The following TNFSF13B variants were observed in gnomAD, a reference collection of about 807,000 sequenced individuals.
TNFSF13B encodes tumor necrosis factor ligand superfamily member 13B.
In TNFSF13B, 8 loss-of-function variants were observed where a neutral mutation model predicts 29.1. That is an observed-to-expected ratio of 0.27 (90% CI 0.16 to 0.50). The LOEUF (loss-of-function observed/expected upper bound fraction) is 0.50. Among genes scored for constraint, TNFSF13B ranks in the 20% least tolerant of loss-of-function variants. TNFSF13B has a pLI of 0.98. For missense variants in TNFSF13B, 248 were observed against 334.9 expected (o/e 0.74, Z 2.03); for synonymous variants, 125 against 130.8 (o/e 0.96, Z 0.30).
At position 108,289,255 on chromosome 13, in the gene TNFSF13B, G is replaced by A. The variant is rs138870069; in HGVS notation, c.481+2396G>A. Among the ~76,000 whole-genome samples, 45 of 152,034 alleles carry A rather than the reference G, an allele frequency of 3.0e-4. No individual in the cohort carries two copies. In the East Asian group the frequency reaches 7.2e-3, roughly 24 times the overall value. ...CTGGAGAGTATGCTGTGATCTTCCT[G>A]GAGTGGTGACTGCTTGCCACAGATC... On this transcript the variant is annotated intron_variant, in intron 3 of 5. Transcript: ENST00000375887.
intron 2 of TNFSF13B, among the ~76,000 whole-genome samples, chr13:108,272,679 A>C (rs1004777457): frequency 1.3e-5 from 2 of 151,960 alleles, no homozygotes; most frequent in African/African-American, 4.8e-5. Context: ...AATCTATTTG[A>C]GACTCTTTTT....
intron 2 of TNFSF13B, among the ~76,000 whole-genome samples, chr13:108,274,143 T>A (rs751616013): frequency 2.6e-5 from 4 of 152,140 alleles, no homozygotes; most frequent in African/African-American, 9.7e-5. Flanking sequence ...GTTTTTGTTA[T>A]CAGAAAGGCT....
chr13:108,286,719 G>T (rs1055894839), intron 2 of TNFSF13B, 84 bp from the exon 3 acceptor site: 2 of 796,844 alleles, frequency 2.5e-6, no homozygotes, highest in African/African-American at 3.5e-5. Flanking sequence ...AGTGTTTCTG[G>T]AAGAGTGGGT....
intron 2 of TNFSF13B, among the ~76,000 whole-genome samples, chr13:108,276,757 C>T (rs1880774761): frequency 6.6e-6 from 1 of 151,808 alleles, no homozygotes; most frequent in South Asian, 2.1e-4. Context: ...ATTCTTTATA[C>T]TTTTGACTAT....
At chr13:108,283,879 T>C (rs1164745214) in intron 2 of TNFSF13B, among the ~76,000 whole-genome samples, 1 of 152,182 alleles carries the variant, frequency 6.6e-6, no homozygotes, top group Non-Finnish European at 1.5e-5. Context: ...CATTCATGAG[T>C]GCTCTGCCCT....
chr13:108,290,656 A>G (rs937372512), intron 3 of TNFSF13B, among the ~76,000 whole-genome samples: 6 of 151,462 alleles, frequency 4.0e-5, no homozygotes, highest in African/African-American at 4.9e-5. Flanking sequence ...TTTTAAACTG[A>G]TTTCTGTGAG....
At chr13:108,293,115 G>A (rs951873685) in intron 3 of TNFSF13B, among the ~76,000 whole-genome samples, 1 of 151,868 alleles carries the variant, frequency 6.6e-6, no homozygotes, top group Non-Finnish European at 1.5e-5. Flanking sequence ...TGAAGCAGAG[G>A]TCCAAAATCA....
intron 3 of TNFSF13B, among the ~76,000 whole-genome samples, chr13:108,293,437 G>A (rs529251289): frequency 6.6e-6 from 1 of 152,176 alleles, no homozygotes; most frequent in South Asian, 2.1e-4. Context: ...TGAATTGTAA[G>A]GCTGGCTTTT....
chr13:108,305,920 C>G (rs1032518178), intron 5 of TNFSF13B, among the ~76,000 whole-genome samples: 2 of 152,162 alleles, frequency 1.3e-5, no homozygotes, highest in Non-Finnish European at 2.9e-5. Flanking sequence ...TACATTTTCA[C>G]TATGCTAATG....
At chr13:108,288,440 A>G (rs1042963846) in intron 3 of TNFSF13B, among the ~76,000 whole-genome samples, 7 of 152,178 alleles carry the variant, frequency 4.6e-5, no homozygotes. Context: ...ACCAAATATC[A>G]TAGCTTAGTC....
At chr13:108,270,862 A>G (rs187398526) in intron 2 of TNFSF13B, among the ~76,000 whole-genome samples, 3 of 152,306 alleles carry the variant, frequency 2.0e-5, no homozygotes, top group East Asian at 1.9e-4. Context: ...CTGAATGTAC[A>G]TTACATGTTG....
At chr13:108,276,891 T>C (rs1488798387) in intron 2 of TNFSF13B, among the ~76,000 whole-genome samples, 1 of 152,230 alleles carries the variant, frequency 6.6e-6, no homozygotes, top group Non-Finnish European at 1.5e-5. Context: ...CTTATTCTTT[T>C]TATAGATCAA....
In TNFSF13B at chr13:108,301,503, A is replaced by G. The variant is rs147165962; in HGVS notation, c.482-1750A>G. 6.7e-3 allele frequency among the ~76,000 whole-genome samples: 1,018 copies of G among 152,342 alleles called. 8 individuals are homozygous for G. The highest frequency in any genetic ancestry group is 0.023 in the African/African-American group (948 of 41,576). On this transcript the variant is annotated intron_variant, in intron 3 of 5. Coordinates refer to ENST00000375887, the MANE Select transcript of TNFSF13B (RefSeq NM_006573.5). ...AACCCTGTTGTTTGCAGTAACATGG[A>G]TGAACTTGGGGGACATTATAACAAG...
chr13:108,284,422 A>G (rs752784084), intron 2 of TNFSF13B, among the ~76,000 whole-genome samples: 12 of 152,216 alleles, frequency 7.9e-5, no homozygotes, highest in Non-Finnish European at 1.5e-4. Flanking sequence ...GAAGTCATAC[A>G]TTCTGTATTT....
intron 2 of TNFSF13B, among the ~76,000 whole-genome samples, chr13:108,277,419 C>G (rs925191595): frequency 6.6e-6 from 1 of 152,158 alleles, no homozygotes; most frequent in African/African-American, 2.4e-5. Context: ...GGACCCAACA[C>G]TCACCCAAAG....
intron 3 of TNFSF13B, among the ~76,000 whole-genome samples, chr13:108,287,476 A>C (rs948030797): frequency 2.6e-5 from 4 of 152,324 alleles, no homozygotes; most frequent in Admixed American, 1.3e-4. Flanking sequence ...GACCAAAGTA[A>C]TAATCTAATA....
intron 3 of TNFSF13B, among the ~76,000 whole-genome samples, chr13:108,288,121 T>C (rs1182868282): frequency 2.0e-5 from 3 of 152,230 alleles, no homozygotes; most frequent in Non-Finnish European, 2.9e-5. Flanking sequence ...TGCTTTATCA[T>C]GTATCGACCT....
At chr13:108,303,741 G>A in intron 5 of TNFSF13B, 137 bp downstream of exon 5, 1 of 898,278 alleles carries the variant, frequency 1.1e-6, no homozygotes, top group East Asian at 2.6e-5. Context: ...AATATATTGT[G>A]TTTTTTAAAT....
At chr13:108,284,289 A>G (rs1881052581) in intron 2 of TNFSF13B, among the ~76,000 whole-genome samples, 1 of 152,238 alleles carries the variant, frequency 6.6e-6, no homozygotes, top group Admixed American at 6.5e-5. Flanking sequence ...AGATCGCGCC[A>G]CTGCACTCCA....
Sources: allele counts gnomAD v4.1 joint callset (sites outside exome capture counted in the v4.1 genomes callset), GRCh38; gene constraint gnomAD v4.1.1; transcripts MANE v1.5; gene names NCBI Gene and HGNC (gene_info 2026-07-23, HGNC 2026-07-21).